The following CLVS2 variants were observed in gnomAD, a reference collection of about 807,000 sequenced individuals.
CLVS2 encodes clavesin 2.
CLVS2 carries 19 observed loss-of-function variants against 29.0 expected under a neutral mutation model. The observed-to-expected ratio is 0.66, with a 90% CI of 0.46 to 0.96. CLVS2 has a LOEUF of 0.96. CLVS2 is among the 40% of genes least tolerant of loss of function. The pLI is 0.00. For synonymous variants in CLVS2, 161 were observed against 151.3 expected (o/e 1.06, Z -0.47); for missense variants, 294 against 404.1 (o/e 0.73, Z 2.34).
chr6:123,046,996 A>G (rs1772524210), intron 3 of CLVS2, among the ~76,000 whole-genome samples: 1 of 152,114 alleles, frequency 6.6e-6, no homozygotes, highest in African/African-American at 2.4e-5. Flanking sequence ...GGTTGCCTGA[A>G]TTGTAGGGTG....
intron 5 of CLVS2, among the ~76,000 whole-genome samples, chr6:123,061,832 T>C (rs892950784): frequency 2.6e-5 from 4 of 152,164 alleles, no homozygotes; most frequent in African/African-American, 9.7e-5. Flanking sequence ...CTTTGGTATG[T>C]ACTTATGGAA....
chr6:123,047,370 C>T (rs1228471648), intron 3 of CLVS2, among the ~76,000 whole-genome samples: 2 of 151,990 alleles, frequency 1.3e-5, no homozygotes, highest in Admixed American at 1.3e-4. Context: ...AGAAGTAAGA[C>T]ACTGGCATAA....
intron 3 of CLVS2, among the ~76,000 whole-genome samples, chr6:123,030,288 A>G (rs1005902822): frequency 6.6e-6 from 1 of 152,180 alleles, no homozygotes; most frequent in Non-Finnish European, 1.5e-5. Context: ...TATAAGAGAC[A>G]GATAAGAGAC....
At chr6:123,051,614 C>A (rs566688129) in intron 4 of CLVS2, among the ~76,000 whole-genome samples, 19 of 152,190 alleles carry the variant, frequency 1.2e-4, no homozygotes, top group Non-Finnish European at 2.4e-4. Context: ...GCACAAATTT[C>A]TTCCTTTTAG....
chr6:123,049,525 A>T (rs1463668625), intron 4 of CLVS2, among the ~76,000 whole-genome samples: 1 of 152,180 alleles, frequency 6.6e-6, no homozygotes, highest in African/African-American at 2.4e-5. Context: ...CTGCTTACTC[A>T]CATACACAGA....
At chr6:123,022,480 T>C (rs1264687135) in intron 3 of CLVS2, among the ~76,000 whole-genome samples, 2 of 152,068 alleles carry the variant, frequency 1.3e-5, no homozygotes, top group Non-Finnish European at 2.9e-5. Context: ...CCACCATTTT[T>C]ACCTTAGCAT....
intron 5 of CLVS2, among the ~76,000 whole-genome samples, chr6:123,060,872 C>T (rs183367781): frequency 1.9e-3 from 284 of 152,310 alleles, no homozygotes; most frequent in African/African-American, 6.2e-3. Flanking sequence ...CTACTTCTGT[C>T]CGAAATCTAG....
chr6:123,006,244 C>T (rs531018800), intron 2 of CLVS2, among the ~76,000 whole-genome samples: 1 of 152,234 alleles, frequency 6.6e-6, no homozygotes, highest in East Asian at 1.9e-4. Context: ...CATAAAGCAT[C>T]GGAGTGTACC....
chr6:122,997,598 T>A lies in CLVS2; in HGVS notation c.-180T>A. The A allele has an allele frequency of 1.8e-6, 1 of 542,104 alleles. No individual in the cohort carries two copies. The highest frequency in any genetic ancestry group is 3.3e-6 in the Non-Finnish European group (1 of 304,706). 33.6% of individuals were successfully genotyped at this position (542,104 alleles called of 1,614,324 possible). A position where few individuals can be genotyped will look rare whatever the true frequency, so the allele number is the denominator to read the frequency against. On this transcript the variant is annotated 5_prime_UTR_variant, in exon 2 of 6. Transcript: ENST00000275162. ...CACCCCCCGGCCCCCCCAGCTTTGC[T>A]GGGGGAAAGCAGGAGCAACAGGGCA... is the stretch of plus-strand genomic sequence containing the variant.
At chr6:123,017,691 G>A (rs1040044790) in intron 3 of CLVS2, among the ~76,000 whole-genome samples, 9 of 152,170 alleles carry the variant, frequency 5.9e-5, no homozygotes, top group African/African-American at 2.2e-4. Flanking sequence ...GCTGACAATA[G>A]GTAAAAGCTA....
At chr6:123,032,896 C>T (rs894633532) in intron 3 of CLVS2, among the ~76,000 whole-genome samples, 2 of 152,000 alleles carry the variant, frequency 1.3e-5, no homozygotes, top group Non-Finnish European at 2.9e-5. Context: ...CAGGTTTGTC[C>T]AAGGCATTAT....
At chr6:123,038,198 G>T (rs1033182774) in intron 3 of CLVS2, among the ~76,000 whole-genome samples, 1 of 152,008 alleles carries the variant, frequency 6.6e-6, no homozygotes, top group Non-Finnish European at 1.5e-5. Flanking sequence ...TATTTCTTTT[G>T]TGAGTTCTTC....
rs950617683 is a variant in CLVS2, at chr6:123,053,084, C to T, written c.676-2722C>T. Among the ~76,000 whole-genome samples the T allele has an allele frequency of 3.3e-5, 5 of 152,008 alleles. 1 individual carries two copies. The highest frequency in any genetic ancestry group is 6.5e-5 in the Admixed American group (1 of 15,274). Reference sequence around the variant, plus strand: ...AAATCAGGCCAGGCGCAGTGGCTCGCGCCTGTAATCCCAGCACTTTGGGAG... The same window carrying T: ...AAATCAGGCCAGGCGCAGTGGCTCGTGCCTGTAATCCCAGCACTTTGGGAG... On this transcript the variant is annotated intron_variant, in intron 4 of 5. Transcript: ENST00000275162.
intron 2 of CLVS2, among the ~76,000 whole-genome samples, chr6:123,008,728 G>C (rs1774706677): frequency 6.6e-6 from 1 of 150,810 alleles, no homozygotes; most frequent in African/African-American, 2.4e-5. Context: ...CAGAAATACA[G>C]TCTTCCTGCT....
intron 3 of CLVS2, among the ~76,000 whole-genome samples, chr6:123,013,221 C>A (rs1412991494): frequency 6.6e-6 from 1 of 151,914 alleles, no homozygotes; most frequent in Non-Finnish European, 1.5e-5. Flanking sequence ...ATGTTTCATT[C>A]AGAATATGAA....
chr6:123,003,857 A>G (rs952624068), intron 2 of CLVS2, among the ~76,000 whole-genome samples: 4 of 152,182 alleles, frequency 2.6e-5, no homozygotes, highest in African/African-American at 9.7e-5. Context: ...TTATTGTTCC[A>G]TTTTATTCAT....
chr6:123,008,397 C>G (rs1350441063), intron 2 of CLVS2, among the ~76,000 whole-genome samples: 1 of 152,012 alleles, frequency 6.6e-6, no homozygotes. Flanking sequence ...GATTTTGAAA[C>G]AGTTTAGGAG....
chr6:123,055,612 G>T (rs1458470280), intron 4 of CLVS2, among the ~76,000 whole-genome samples, 194 bp from the exon 5 acceptor site: 1 of 152,116 alleles, frequency 6.6e-6, no homozygotes, highest in Non-Finnish European at 1.5e-5. Flanking sequence ...TGAGCCTCAG[G>T]ATTTTGGTAT....
intron 5 of CLVS2, among the ~76,000 whole-genome samples, chr6:123,060,192 T>C (rs1446656120): frequency 6.6e-6 from 1 of 152,190 alleles, no homozygotes; most frequent in East Asian, 1.9e-4. Flanking sequence ...TTGTGGATAA[T>C]TCTTCTTTTG....
Sources: allele counts gnomAD v4.1 joint callset (sites outside exome capture counted in the v4.1 genomes callset), GRCh38; gene constraint gnomAD v4.1.1; transcripts MANE v1.5; gene names NCBI Gene and HGNC (gene_info 2026-07-23, HGNC 2026-07-21).